The following TEX9 variants were observed in gnomAD, a reference collection of about 807,000 sequenced individuals.
TEX9 encodes testis expressed 9.
A neutral mutation model predicts 59.6 loss-of-function variants in TEX9; 74 were observed. The observed-to-expected ratio is 1.24, with a 90% confidence interval of 1.03 to 1.51. The LOEUF (loss-of-function observed/expected upper bound fraction) is 1.51. TEX9 is among the 40% of genes most tolerant of loss of function. The pLI, the probability that TEX9 is intolerant of heterozygous loss-of-function variation, is 0.00. For missense variants in TEX9, 522 were observed against 447.8 expected (o/e 1.17, Z -1.49); for synonymous variants, 186 against 152.2 (o/e 1.22, Z -1.64).
chr15:56,260,877 T>C (rs2044250708), intron 1 of TEX9, among the ~76,000 whole-genome samples: 1 of 152,002 alleles, frequency 6.6e-6, no homozygotes, highest in Admixed American at 6.6e-5. Context: ...AGCTCAAATT[T>C]TCTTTGAGGG....
At chr15:56,403,741 G>C (rs909453928) in intron 9 of TEX9, among the ~76,000 whole-genome samples, 2 of 152,190 alleles carry the variant, frequency 1.3e-5, no homozygotes, top group Non-Finnish European at 1.5e-5. Flanking sequence ...ATACTACAAG[G>C]CTACAGTAAC....
At chr15:56,429,773 TA>T (rs1287929696) in intron 12 of TEX9, 1 of 152,216 alleles carries the variant, frequency 6.6e-6, no homozygotes, top group Non-Finnish European at 1.5e-5. Flanking sequence ...ATCTAAAGAA[TA>T]AAGAATTTTA....
intron 12 of TEX9, among the ~76,000 whole-genome samples, chr15:56,441,968 C>T (rs553621877): frequency 7.5e-4 from 114 of 151,844 alleles, no homozygotes; most frequent in African/African-American, 2.6e-3. Context: ...TGCAGTGAGC[C>T]GAGATCACGC....
intron 9 of TEX9, among the ~76,000 whole-genome samples, chr15:56,402,233 C>T (rs901223127): frequency 1.3e-4 from 20 of 152,018 alleles, no homozygotes; most frequent in Non-Finnish European, 1.2e-4. Flanking sequence ...AATTGTTAGA[C>T]CGCTAGCAAG....
chr15:56,412,276 G>A, intron 9 of TEX9, 26 bp from the exon 10 acceptor site: 1 of 1,571,852 alleles, frequency 6.4e-7, no homozygotes, highest in East Asian at 2.2e-5. Flanking sequence ...ATTTATAAAT[G>A]TTCCATAATC....
chr15:56,284,289 G>T (rs2044890636), intron 1 of TEX9, among the ~76,000 whole-genome samples: 1 of 152,058 alleles, frequency 6.6e-6, no homozygotes, highest in African/African-American at 2.4e-5. Context: ...GAGCCACAAT[G>T]CCCAGCTTAA....
At chr15:56,347,381 C>A (rs759500785) in intron 1 of TEX9, among the ~76,000 whole-genome samples, 3 of 151,884 alleles carry the variant, frequency 2.0e-5, no homozygotes, top group African/African-American at 7.2e-5. Flanking sequence ...GGGATGGACA[C>A]ATAGATTAGT....
chr15:56,332,480 G>A (rs1285007795), intron 1 of TEX9, among the ~76,000 whole-genome samples: 2 of 130,630 alleles, frequency 1.5e-5, no homozygotes, highest in African/African-American at 5.6e-5. Flanking sequence ...GGGGTGGGGG[G>A]AGGGGGGAGG....
chr15:56,308,495 C>T (rs999677900), intron 1 of TEX9, among the ~76,000 whole-genome samples: 4 of 152,198 alleles, frequency 2.6e-5, no homozygotes, highest in Admixed American at 6.5e-5. Context: ...TGTTTTTTCT[C>T]ATTTTGTGGG....
intron 1 of TEX9, among the ~76,000 whole-genome samples, chr15:56,249,599 A>G (rs1256296652): frequency 6.6e-6 from 1 of 151,812 alleles, no homozygotes; most frequent in Non-Finnish European, 1.5e-5. Flanking sequence ...TTAGCCGGGC[A>G]TGATGGCAGG....
chr15:56,261,673 C>T (rs922291978), intron 1 of TEX9, among the ~76,000 whole-genome samples: 14 of 152,060 alleles, frequency 9.2e-5, no homozygotes, highest in African/African-American at 2.7e-4. Flanking sequence ...GCTAAGCTAA[C>T]GCCATTGCAC....
intron 12 of TEX9, among the ~76,000 whole-genome samples, chr15:56,441,998 C>T (rs1328282067): frequency 2.6e-5 from 4 of 151,398 alleles, no homozygotes; most frequent in East Asian, 1.9e-4. Flanking sequence ...CCAACCTGGG[C>T]GACAGAGCGA....
At chr15:56,373,720 A>G (rs1252423965) in intron 3 of TEX9, among the ~76,000 whole-genome samples, 15 of 152,216 alleles carry the variant, frequency 9.9e-5, no homozygotes, top group Admixed American at 9.8e-4. Flanking sequence ...CCACTGAAAA[A>G]GTACTTTCCA....
At position 56,429,134 on chromosome 15, in the gene TEX9, A is replaced by G. The variant is rs145288136; in HGVS notation, c.*29+661A>G. The G allele has an allele frequency of 2.9e-5, 47 of 1,602,196 alleles. No individual in the cohort carries two copies. The African/African-American group carries it at 6.1e-4, about 21-fold the overall frequency. ...CTTCACAAATTTCACTCCTTTGTTG[A>G]TATACTTTCCTGAACTCTTCACCAA... On this transcript the variant is annotated intron_variant, in intron 12 of 12. Transcript: ENST00000352903.
intron 1 of TEX9, among the ~76,000 whole-genome samples, chr15:56,300,397 T>C (rs945887335): frequency 1.3e-5 from 2 of 152,146 alleles, no homozygotes; most frequent in Non-Finnish European, 2.9e-5. Flanking sequence ...AGGCCCTGGC[T>C]CTTATATGGC....
intron 9 of TEX9, among the ~76,000 whole-genome samples, chr15:56,404,426 G>T (rs140344246): frequency 6.6e-6 from 1 of 152,068 alleles, no homozygotes; most frequent in South Asian, 2.1e-4. Context: ...AATCAAAACC[G>T]CAATGAGATA....
At position 56,262,587 on chromosome 15, in the gene TEX9, G is replaced by A. The variant is rs563899242; in HGVS notation, c.-107+18309G>A. On this transcript the variant is annotated intron_variant, in intron 1 of 5. Coordinates refer to the TEX9 transcript ENST00000560827. Reference sequence around the variant, plus strand: ...GAACTGTATTTTACAGTGGTTAGGTGTAGTGTCATATCGATATATCAAGTA... The same window carrying A: ...GAACTGTATTTTACAGTGGTTAGGTATAGTGTCATATCGATATATCAAGTA... 5.3e-5 allele frequency among the ~76,000 whole-genome samples: 8 copies of A among 152,296 alleles called. No homozygotes were observed. In the East Asian group the frequency reaches 1.3e-3, roughly 26 times the overall value.
chr15:56,295,634 G>A (rs1567076148), intron 1 of TEX9, among the ~76,000 whole-genome samples: 1 of 152,198 alleles, frequency 6.6e-6, no homozygotes. Context: ...CCTAAAGGAG[G>A]CGATATTTTA....
chr15:56,271,233 C>T (rs371567383), intron 1 of TEX9, among the ~76,000 whole-genome samples: 2 of 152,128 alleles, frequency 1.3e-5, no homozygotes, highest in East Asian at 1.9e-4. Flanking sequence ...AGAGTATTTT[C>T]GAGCTTGGTT....
Sources: gnomAD v4.1 joint callset for allele counts (sites outside exome capture counted in the v4.1 genomes callset) on GRCh38, gnomAD v4.1.1 for gene constraint, MANE v1.5 for transcripts, NCBI Gene and HGNC (gene_info 2026-07-23, HGNC 2026-07-21) for gene names.